The following FAM222B variants were observed in gnomAD, a reference collection of about 807,000 sequenced individuals.
FAM222B encodes family with sequence similarity 222 member B.
FAM222B carries 12 observed loss-of-function variants against 38.0 expected under a neutral mutation model. That is an observed-to-expected ratio of 0.32 (90% confidence interval 0.20 to 0.51). FAM222B has a LOEUF of 0.51. FAM222B is among the 20% of genes least tolerant of loss of function. The probability of loss-of-function intolerance (pLI) is 0.97; values close to 1 mark genes in which losing one functional copy is unlikely to be tolerated. For synonymous variants in FAM222B, 329 were observed against 317.2 expected (o/e 1.04, Z -0.40); for missense variants, 716 against 754.2 (o/e 0.95, Z 0.59).
chr17:28,800,949 G>C (rs1007883904), intron 1 of FAM222B, among the ~76,000 whole-genome samples: 7 of 151,092 alleles, frequency 4.6e-5, no homozygotes, highest in Non-Finnish European at 1.0e-4. Context: ...CACAAGGTCA[G>C]GGGTTCGAGA....
intron 1 of FAM222B, among the ~76,000 whole-genome samples, chr17:28,853,631 A>G (rs992281467): frequency 3.9e-5 from 6 of 152,204 alleles, no homozygotes; most frequent in Non-Finnish European, 8.8e-5. Context: ...TTGTTATTTT[A>G]GAGATGGGGT....
chr17:28,843,325 CG>C (rs1350469387), upstream of FAM222B, among the ~76,000 whole-genome samples: 1 of 147,750 alleles, frequency 6.8e-6, no homozygotes, highest in Non-Finnish European at 1.5e-5. Context: ...TTAGTAGAGA[CG>C]GGGTTTTATC....
intron 1 of FAM222B, among the ~76,000 whole-genome samples, chr17:28,837,992 G>A (rs577172410): frequency 1.3e-5 from 2 of 152,254 alleles, no homozygotes; most frequent in South Asian, 2.1e-4. Context: ...TAGGCCGGAT[G>A]CAGTGGCTGA....
intron 1 of FAM222B, among the ~76,000 whole-genome samples, chr17:28,779,933 T>C (rs2036092584): frequency 6.6e-6 from 1 of 151,856 alleles, no homozygotes; most frequent in African/African-American, 2.4e-5. Flanking sequence ...GCTGAATGCT[T>C]TTCCTCTAAG....
intron 1 of FAM222B, among the ~76,000 whole-genome samples, chr17:28,772,779 C>T (rs1314168668): frequency 6.6e-6 from 1 of 151,938 alleles, no homozygotes; most frequent in Non-Finnish European, 1.5e-5. Context: ...CCTGTAGTCC[C>T]ACCTACTCAG....
At chr17:28,823,061 G>T (rs1434111387) in intron 1 of FAM222B, among the ~76,000 whole-genome samples, 1 of 141,658 alleles carries the variant, frequency 7.1e-6, no homozygotes, top group Non-Finnish European at 1.5e-5. Flanking sequence ...ATCTTGGGGG[G>T]AAAAAAAAAA....
At chr17:28,813,322 T>C (rs12952702) in intron 1 of FAM222B, among the ~76,000 whole-genome samples, 3,121 of 152,154 alleles carry the variant, frequency 0.021, 50 homozygotes, top group Non-Finnish European at 0.035. Context: ...ATATACCTAA[T>C]ATTATGGGGA....
At chr17:28,778,791 C>G (rs1332371196) in intron 1 of FAM222B, among the ~76,000 whole-genome samples, 1 of 133,066 alleles carries the variant, frequency 7.5e-6, no homozygotes, top group Non-Finnish European at 1.5e-5. Context: ...TCTTGAACTC[C>G]GAACTCAAGT....
chr17:28,790,933 C>G (rs902970687), intron 1 of FAM222B, among the ~76,000 whole-genome samples: 1 of 73,386 alleles, frequency 1.4e-5, no homozygotes, highest in Non-Finnish European at 2.6e-5. Flanking sequence ...GAATCTTGCT[C>G]TGTTGCCCAG....
At chr17:28,813,903 T>C (rs2037913211) in intron 1 of FAM222B, among the ~76,000 whole-genome samples, 1 of 151,596 alleles carries the variant, frequency 6.6e-6, no homozygotes, top group Non-Finnish European at 1.5e-5. Context: ...GATAGAGCAC[T>C]ACATGGGGCT....
Position 28,758,325 on chromosome 17 carries a change from G to A in FAM222B, c.1634C>T (p.Ala545Val), listed in dbSNP as rs1415185005. ...ACTTCGACTCTCTGTGGGATCGGGG[G>A]CTCGGTTGCCAGGGGCTCGGTGGGC... ...SKAHRAPGNRAPDPTESRSLH... is the reference protein window; with the variant it reads ...SKAHRAPGNRVPDPTESRSLH... Residue 545 changes from alanine (A) to valine (V), a missense_variant, in exon 3 of 3, where the codon GCC becomes GTC. Ala to Val is a moderately conservative substitution (Grantham distance 64). Coordinates refer to ENST00000581407, the MANE Select transcript of FAM222B (RefSeq NM_001077498.3). 1.9e-6 allele frequency: 3 copies of A among 1,610,280 alleles called. No homozygotes were observed. Among genetic ancestry groups the A allele is most frequent in the Non-Finnish European group, 2.5e-6 (3 of 1,178,334 alleles).
chr17:28,851,663 G>A (rs150709491), intron 1 of FAM222B, among the ~76,000 whole-genome samples: 1 of 151,974 alleles, frequency 6.6e-6, no homozygotes, highest in Non-Finnish European at 1.5e-5. Context: ...AGATCACCGG[G>A]TCAGGAGTTT....
chr17:28,810,504 TTTGTTTTATATA>T (rs2037710740), intron 1 of FAM222B, among the ~76,000 whole-genome samples: 1 of 151,772 alleles, frequency 6.6e-6, no homozygotes. Context: ...ACTAGCTAAC[TTTGTTTTATATA>T]CTAGCTAACT....
chr17:28,778,834 G>A (rs2036035005), intron 1 of FAM222B, among the ~76,000 whole-genome samples: 2 of 147,370 alleles, frequency 1.4e-5, no homozygotes, highest in South Asian at 4.3e-4. Context: ...AAAGTGCTGG[G>A]ATTATAGGTG....
At chr17:28,780,882 C>CA (rs373481789) in intron 1 of FAM222B, among the ~76,000 whole-genome samples, 48 of 143,326 alleles carry the variant, frequency 3.3e-4, no homozygotes, top group South Asian at 2.0e-3. Context: ...AACTCCGTCT[C>CA]AAAAAAAAAA....
chr17:28,843,143 T>G (rs867288442), upstream of FAM222B, among the ~76,000 whole-genome samples: 1 of 151,940 alleles, frequency 6.6e-6, no homozygotes, highest in African/African-American at 2.4e-5. Context: ...TGGGTCTTTT[T>G]TTTTTTTTTT....
intron 1 of FAM222B, among the ~76,000 whole-genome samples, chr17:28,772,849 C>T (rs1255240769): frequency 4.6e-5 from 7 of 152,086 alleles, no homozygotes; most frequent in African/African-American, 1.2e-4. Context: ...GAGCCGAGAT[C>T]GCGCCACTGC....
intron 1 of FAM222B, among the ~76,000 whole-genome samples, chr17:28,772,810 G>T (rs775507002): frequency 6.6e-6 from 1 of 152,064 alleles, no homozygotes; most frequent in Non-Finnish European, 1.5e-5. Context: ...CAGAAGAATC[G>T]CTTGAACTGG....
intron 1 of FAM222B, among the ~76,000 whole-genome samples, chr17:28,804,626 G>A (rs1274517997): frequency 6.6e-6 from 1 of 152,002 alleles, no homozygotes; most frequent in Non-Finnish European, 1.5e-5. Flanking sequence ...GAGCCACCAT[G>A]CCTGGCCTCT....
Sources: gnomAD v4.1 joint callset for allele counts (sites outside exome capture counted in the v4.1 genomes callset) on GRCh38, gnomAD v4.1.1 for gene constraint, MANE v1.5 for transcripts, NCBI Gene and HGNC (gene_info 2026-07-23, HGNC 2026-07-21) for gene names.